DNAH5: variants seen among roughly 807,000 people sequenced by gnomAD.
DNAH5 encodes the protein dynein axonemal heavy chain 5.
A neutral mutation model predicts 518.2 loss-of-function variants in DNAH5; 372 were observed. The ratio of observed to expected loss-of-function variants is 0.72; its 90% CI spans 0.66 to 0.78. The LOEUF (loss-of-function observed/expected upper bound fraction) is 0.78. Among genes scored for constraint, DNAH5 ranks in the 30% least tolerant of loss-of-function variants. The pLI is 0.00. For synonymous variants in DNAH5, 2,039 were observed against 2,025.9 expected, an observed-to-expected ratio of 1.01 and a Z score of -0.17; for missense variants, 5,523 against 5,687.0, an observed-to-expected ratio of 0.97 and a Z score of 0.93.
chr5:13,792,588 C>G (rs934573418), intron 49 of DNAH5, among the ~76,000 whole-genome samples: 2 of 152,086 alleles, frequency 1.3e-5, no homozygotes, highest in African/African-American at 2.4e-5. Context: ...ATTGCCTTTC[C>G]ACGCATTATA....
chr5:13,905,432 C>T (rs1017274684), intron 12 of DNAH5, among the ~76,000 whole-genome samples: 6 of 152,152 alleles, frequency 3.9e-5, no homozygotes, highest in African/African-American at 9.7e-5. Flanking sequence ...CATCAGATAC[C>T]GGCTCCTCAA....
chr5:13,850,766 G>A lies in DNAH5; in HGVS notation c.5000C>T (p.Thr1667Ile), dbSNP rs781225346. 3 of 1,614,034 alleles carry A rather than the reference G, an allele frequency of 1.9e-6. No individual in the cohort carries two copies. The highest frequency in any genetic ancestry group is 1.1e-5 in the South Asian group (1 of 91,086). ...TACACTGGGCACTTCATGTGCCCGA[G>A]TCATGATCTTCACCCAAGATTTATC... ...NIDKSWVKIM[T>I]RAHEVPSVVQ... The change falls in exon 31 of 79, where the codon ACT (threonine) becomes ATT (isoleucine). Residue 1667 changes from threonine to isoleucine, a missense_variant. By Grantham distance (89) the Thr-to-Ile change is moderately conservative. Transcript: ENST00000265104.
Position 13,871,634 on chromosome 5 carries a change from G to A in DNAH5, c.3528C>T (p.Phe1176=). Residue 1176 remains phenylalanine, a synonymous_variant, in exon 23 of 79, where the codon TTC becomes TTT. Coordinates refer to ENST00000265104, the MANE Select transcript of DNAH5 (RefSeq NM_001369.3). The stretch of plus-strand genomic sequence containing the variant: ...CATTAATTTCCTGCTCTAGGTTTTG[G>A]AAATAGAGAATCTGGGACTCAAATT... ...LSEFESQILY[F]QNLEQEINAE... is the part of the protein sequence containing the mutation. 1 of 1,613,774 alleles carries A rather than the reference G, an allele frequency of 6.2e-7. No homozygotes were observed.
At chr5:13,836,169 G>C (rs1223859080) in intron 35 of DNAH5, among the ~76,000 whole-genome samples, 3 of 152,164 alleles carry the variant, frequency 2.0e-5, no homozygotes, top group African/African-American at 7.2e-5. Context: ...TGGCCAACTT[G>C]CTAAAATGAA....
intron 23 of DNAH5, 27 bp from the exon 24 acceptor site, chr5:13,871,029 C>A: frequency 6.3e-7 from 1 of 1,576,930 alleles, no homozygotes; most frequent in South Asian, 1.1e-5. Context: ...GTCTACAGTT[C>A]AGTTTTAAAA....
At position 13,737,439 on chromosome 5, in the gene DNAH5, C is replaced by A; in HGVS notation, c.11268G>T (p.Arg3756Ser). ...LMEDVTANKR[R>S]MKELEDNLLY... ...GCAAGTTATCTTCTAGTTCCTTCAT[C>A]CTTCTTTTGTTTGCAGTTACATCTT... Residue 3756 changes from arginine (R) to serine (S), a missense_variant, in exon 66 of 79, where the codon AGG becomes AGT. Physicochemically the swap from Arg to Ser is moderately radical, Grantham distance 110. Around this residue, in one of 3 missense-constraint regions of DNAH5, gnomAD observed 5,121 missense variants for 5,223.3 expected, o/e 0.98. Transcript: ENST00000265104. 6.2e-7 allele frequency: 1 copy of A among 1,614,100 alleles called. No homozygotes were observed. The highest frequency in any genetic ancestry group is 8.5e-7 in the Non-Finnish European group (1 of 1,179,984).
intron 1 of DNAH5, among the ~76,000 whole-genome samples, chr5:13,977,384 C>A (rs1782334448): frequency 6.6e-6 from 1 of 152,158 alleles, no homozygotes; most frequent in Non-Finnish European, 1.5e-5. Context: ...CTTTCTCAGC[C>A]CATTCAGGCC....
At chr5:13,792,946 C>T (rs895750269) in intron 49 of DNAH5, among the ~76,000 whole-genome samples, 3 of 152,206 alleles carry the variant, frequency 2.0e-5, no homozygotes. Context: ...AGTGCATAAT[C>T]ATTACTCGGG....
At chr5:13,814,386 G>A (rs1483836920) in intron 43 of DNAH5, among the ~76,000 whole-genome samples, 3 of 152,172 alleles carry the variant, frequency 2.0e-5, no homozygotes, top group East Asian at 1.9e-4. Flanking sequence ...CAACCCAGAG[G>A]TTGGAAATCC....
chr5:13,935,682 A>G (rs535900467), intron 1 of DNAH5, among the ~76,000 whole-genome samples: 1 of 152,312 alleles, frequency 6.6e-6, no homozygotes, highest in Admixed American at 6.5e-5. Flanking sequence ...ATAATGTCAA[A>G]CAAATATTTA....
chr5:13,758,450 A>G (rs1453106857), intron 61 of DNAH5, among the ~76,000 whole-genome samples: 1 of 152,202 alleles, frequency 6.6e-6, no homozygotes, highest in Non-Finnish European at 1.5e-5. Context: ...AGCCATGATC[A>G]TGCCATTGCA....
intron 1 of DNAH5, among the ~76,000 whole-genome samples, chr5:13,961,015 C>A (rs1009595600): frequency 1.1e-4 from 17 of 152,206 alleles, no homozygotes; most frequent in Admixed American, 2.6e-4. Context: ...CTTTCCCCAA[C>A]CTCCAAGGGA....
chr5:13,814,337 G>C (rs991970442), intron 43 of DNAH5, among the ~76,000 whole-genome samples: 7 of 152,270 alleles, frequency 4.6e-5, no homozygotes, highest in Admixed American at 3.3e-4. Flanking sequence ...ACACAGTTTG[G>C]CAACACTGTT....
intron 32 of DNAH5, among the ~76,000 whole-genome samples, 197 bp from the exon 33 acceptor site, chr5:13,842,101 C>T (rs577921604): frequency 6.6e-6 from 1 of 151,354 alleles, no homozygotes; most frequent in East Asian, 1.9e-4. Flanking sequence ...AATTCCAGGC[C>T]AGGCACAGTG....
intron 7 of DNAH5, among the ~76,000 whole-genome samples, chr5:13,917,773 A>G (rs1469082123): frequency 1.3e-5 from 2 of 152,248 alleles, no homozygotes; most frequent in East Asian, 3.8e-4. Context: ...ACGTCAGTAC[A>G]TTCCATTGAC....
At chr5:13,781,892 A>G (rs1266687561) in intron 52 of DNAH5, among the ~76,000 whole-genome samples, 1 of 152,268 alleles carries the variant, frequency 6.6e-6, no homozygotes, top group East Asian at 1.9e-4. Context: ...GTATCTACCA[A>G]TAAGTGATTA....
intron 1 of DNAH5, among the ~76,000 whole-genome samples, chr5:14,003,312 C>T (rs977575762): frequency 6.6e-6 from 1 of 152,098 alleles, no homozygotes; most frequent in Middle Eastern, 3.2e-3. Context: ...GGGAGAATTT[C>T]ATTTCTTGTT....
At chr5:13,921,475 TCACACACACACA>T (rs138046391) in intron 5 of DNAH5, among the ~76,000 whole-genome samples, 2,483 of 73,744 alleles carry the variant, frequency 0.034, 79 homozygotes, top group African/African-American at 0.082. Context: ...TATCTCTCTC[TCACACACACACA>T]CACACACACA....
Position 13,837,355 on chromosome 5 carries a change from G to A in DNAH5, c.5882+2001C>T, listed in dbSNP as rs149369165. 3.4e-4 allele frequency among the ~76,000 whole-genome samples: 52 copies of A among 152,266 alleles called. No homozygotes were observed. In the East Asian group the frequency reaches 7.9e-3, roughly 23 times the overall value. On this transcript the variant is annotated intron_variant, in intron 35 of 78. Coordinates refer to ENST00000265104, the MANE Select transcript of DNAH5 (RefSeq NM_001369.3). ...AACCAGGACAATCACGGTAGGGTTCGCTGGGTAGAAGCAATCTCAGCATAT... is the reference window on the plus strand; with the variant it reads ...AACCAGGACAATCACGGTAGGGTTCACTGGGTAGAAGCAATCTCAGCATAT...
Sources: allele counts gnomAD v4.1 joint callset (sites outside exome capture counted in the v4.1 genomes callset), GRCh38; gene constraint gnomAD v4.1.1; regional missense constraint gnomAD v4.1.1; transcripts MANE v1.5; gene names NCBI Gene and HGNC (gene_info 2026-07-23, HGNC 2026-07-21).